The following SCN2A variants were observed in gnomAD, a reference collection of about 807,000 sequenced individuals.
SCN2A encodes the protein sodium channel protein type 2 subunit alpha.
SCN2A carries 20 observed loss-of-function variants against 188.7 expected under a neutral mutation model. The ratio of observed to expected loss-of-function variants is 0.11; its 90% CI spans 0.07 to 0.15. The LOEUF is 0.15. SCN2A is among the 10% of genes least tolerant of loss of function. SCN2A has a pLI of 1.00. For missense variants in SCN2A, 1,278 were observed against 2,445.0 expected (o/e 0.52, Z 10.07); for synonymous variants, 804 against 833.1 (o/e 0.97, Z 0.60).
At chr2:165,289,713 A>G (rs1696014956) in intron 1 of SCN2A, among the ~76,000 whole-genome samples, 2 of 152,128 alleles carry the variant, frequency 1.3e-5, no homozygotes, top group Non-Finnish European at 2.9e-5. Context: ...TTACATCTAC[A>G]TTATGCAAAA....
intron 1 of SCN2A, among the ~76,000 whole-genome samples, chr2:165,287,316 G>T (rs970872679): frequency 2.1e-4 from 32 of 152,164 alleles, no homozygotes; most frequent in African/African-American, 7.7e-4. Flanking sequence ...CAGCACTTGG[G>T]AGGGGCAATA....
chr2:165,323,944 G>A (rs747728266), intron 12 of SCN2A, among the ~76,000 whole-genome samples: 12 of 152,136 alleles, frequency 7.9e-5, no homozygotes, highest in Non-Finnish European at 1.5e-4. Flanking sequence ...AAATCCCATA[G>A]TACAACATTG....
At chr2:165,344,335 GAC>G (rs1699457229) in intron 15 of SCN2A, among the ~76,000 whole-genome samples, 6 of 151,894 alleles carry the variant, frequency 4.0e-5, no homozygotes, top group Admixed American at 2.6e-4. Context: ...CTATAATTGA[GAC>G]AGTTACCTGT....
chr2:165,250,457 A>G (rs1420732463), intron 1 of SCN2A, among the ~76,000 whole-genome samples: 2 of 151,064 alleles, frequency 1.3e-5, no homozygotes, highest in African/African-American at 4.9e-5. Flanking sequence ...TAATAATTAT[A>G]ATTTAGGGAA....
intron 13 of SCN2A, among the ~76,000 whole-genome samples, chr2:165,330,087 A>T (rs10930158): frequency 0.019 from 2,932 of 152,326 alleles, 89 homozygotes; most frequent in African/African-American, 0.064. Context: ...GTCCTTTTAT[A>T]TGCTGGTTCC....
intron 3 of SCN2A, among the ~76,000 whole-genome samples, chr2:165,301,402 C>A (rs1838849): frequency 6.6e-6 from 1 of 152,226 alleles, no homozygotes; most frequent in East Asian, 1.9e-4. Flanking sequence ...ACTAGTAATG[C>A]TGAACTACCT....
rs1697357982 is a variant in SCN2A, at chr2:165,310,288, T to C, written c.698-35T>C. On this transcript the variant is annotated intron_variant, in intron 6 of 26. Transcript: ENST00000375437. Reference sequence around the variant, plus strand: ...TGCCGGTAAAATAGCTGTTGAGTAGTATATTTAAATTCCCCCTTCTGATTT... The same window carrying C: ...TGCCGGTAAAATAGCTGTTGAGTAGCATATTTAAATTCCCCCTTCTGATTT... 3 of 1,611,004 alleles carry C rather than the reference T, an allele frequency of 1.9e-6. No individual in the cohort carries two copies. In the Admixed American group the frequency reaches 5.0e-5, roughly 27 times the overall value.
intron 1 of SCN2A, among the ~76,000 whole-genome samples, chr2:165,249,444 A>C (rs1693997646): frequency 6.6e-6 from 1 of 152,074 alleles, no homozygotes; most frequent in Admixed American, 6.6e-5. Context: ...GAAGTTAATT[A>C]TGCTCTTTTT....
rs1178159762 is a variant in SCN2A at position 165,365,139 on chromosome 2, T to C, written c.3400-4T>C. 1 of 1,612,726 alleles carries C rather than the reference T, an allele frequency of 6.2e-7. No individual in the cohort carries two copies. The highest frequency in any genetic ancestry group is 1.7e-5 in the Admixed American group (1 of 60,002). On this transcript the variant is annotated splice_region_variant and splice_polypyrimidine_tract_variant and intron_variant, in intron 17 of 26. Transcript: ENST00000375437. The stretch of plus-strand genomic sequence containing the variant: ...ATGTGTTTTTTTGTGGGATTGATTT[T>C]CAGAAGCTAAATGCAACTAGTTCAT...
At position 165,366,208 on chromosome 2, in the gene SCN2A, A is replaced by G. The variant is rs80185227; in HGVS notation, c.3520+945A>G. ...GTGATAATTGTTGCTTTCCATAACT[A>G]TAGAATTGTAGACAAATTGCCCCAA... On this transcript the variant is annotated intron_variant, in intron 18 of 26. Transcript: ENST00000375437. 1.2e-3 allele frequency among the ~76,000 whole-genome samples: 179 copies of G among 152,290 alleles called. 1 individual carries two copies. In the East Asian group the frequency reaches 0.031, roughly 26 times the overall value.
Position 165,244,677 on chromosome 2 carries a change from TA to T in SCN2A, c.-52+5038del, listed in dbSNP as rs375371466. On this transcript the variant is annotated intron_variant, in intron 1 of 26. Coordinates refer to ENST00000375437, the MANE Select transcript of SCN2A (RefSeq NM_001040142.2). ...TGTTTGTACTTACTAAAATAACATT[TA>T]GGGGGATAAAATGATCTTAGGAAGA... Among the ~76,000 whole-genome samples, 6 of 152,300 alleles carry T rather than the reference TA, an allele frequency of 3.9e-5. No homozygotes were observed. The South Asian group carries it at 1.0e-3, about 26-fold the overall frequency.
At chr2:165,366,120 C>T (rs1282698956) in intron 18 of SCN2A, among the ~76,000 whole-genome samples, 1 of 152,136 alleles carries the variant, frequency 6.6e-6, no homozygotes, top group Non-Finnish European at 1.5e-5. Flanking sequence ...AGTCTCAAAT[C>T]CATTTCCTCC....
At chr2:165,359,886 T>C (rs1559387695) in intron 17 of SCN2A, among the ~76,000 whole-genome samples, 1 of 152,032 alleles carries the variant, frequency 6.6e-6, no homozygotes, top group Non-Finnish European at 1.5e-5. Flanking sequence ...AAGAAAAATA[T>C]TTAAAATCCT....
chr2:165,284,463 C>A (rs895029054), intron 1 of SCN2A, among the ~76,000 whole-genome samples: 2 of 152,038 alleles, frequency 1.3e-5, no homozygotes, highest in African/African-American at 2.4e-5. Flanking sequence ...GCCACTGCGC[C>A]CAGCCTGTTA....
intron 17 of SCN2A, among the ~76,000 whole-genome samples, chr2:165,363,063 C>G (rs1313640003): frequency 6.6e-6 from 1 of 152,114 alleles, no homozygotes; most frequent in Non-Finnish European, 1.5e-5. Flanking sequence ...CCTATGTAAA[C>G]TTTTGCACAT....
At chr2:165,331,070 G>T (rs1481798350) in intron 13 of SCN2A, among the ~76,000 whole-genome samples, 1 of 152,114 alleles carries the variant, frequency 6.6e-6, no homozygotes, top group African/African-American at 2.4e-5. Flanking sequence ...TTGAAGATAA[G>T]TATCAGACAG....
intron 10 of SCN2A, among the ~76,000 whole-genome samples, chr2:165,314,923 T>G (rs1454485364): frequency 3.9e-5 from 6 of 152,216 alleles, no homozygotes; most frequent in Non-Finnish European, 7.3e-5. Context: ...GCAGATGCCA[T>G]GATCTAGGAT....
At chr2:165,255,178 T>C (rs904816668) in intron 1 of SCN2A, among the ~76,000 whole-genome samples, 1 of 151,916 alleles carries the variant, frequency 6.6e-6, no homozygotes, top group African/African-American at 2.4e-5. Context: ...TCTACTTTTC[T>C]TATATTTTTC....
chr2:165,268,882 C>G (rs1694989452), intron 1 of SCN2A: 1 of 151,752 alleles, frequency 6.6e-6, no homozygotes, highest in African/African-American at 2.4e-5. Flanking sequence ...GTAAAATAAG[C>G]CAAGCACAGA....
Sources: gnomAD v4.1 joint callset for allele counts (sites outside exome capture counted in the v4.1 genomes callset) on GRCh38, gnomAD v4.1.1 for gene constraint, MANE v1.5 for transcripts, NCBI Gene and HGNC (gene_info 2026-07-23, HGNC 2026-07-21) for gene names.